NPR3: variants seen among roughly 807,000 people sequenced by gnomAD.
NPR3 encodes natriuretic peptide receptor 3.
A neutral mutation model predicts 54.5 loss-of-function variants in NPR3; 34 were observed. The ratio of observed to expected loss-of-function variants is 0.62; its 90% confidence interval spans 0.47 to 0.83. The LOEUF (loss-of-function observed/expected upper bound fraction) is 0.83. Among genes scored for constraint, NPR3 ranks in the 40% least tolerant of loss-of-function variants. The probability of loss-of-function intolerance (pLI) is 0.00; values close to 1 mark genes in which losing one functional copy is unlikely to be tolerated. For missense variants in NPR3, 674 were observed against 720.8 expected (o/e 0.94, Z 0.74); for synonymous variants, 289 against 297.1 (o/e 0.97, Z 0.28).
At chr5:32,748,205 A>G (rs1210146855) in intron 3 of NPR3, among the ~76,000 whole-genome samples, 2 of 152,110 alleles carry the variant, frequency 1.3e-5, no homozygotes, top group Admixed American at 6.5e-5. Context: ...TTTTGGTGTT[A>G]CCATTCTGAT....
chr5:32,716,989 T>C (rs1738588108), intron 1 of NPR3, among the ~76,000 whole-genome samples: 1 of 48,748 alleles, frequency 2.1e-5, no homozygotes, highest in African/African-American at 7.8e-5. Flanking sequence ...ATGCTATCCA[T>C]CCCCCAACCC....
At chr5:32,783,085 G>GT (rs1561134868) in intron 6 of NPR3, 57 bp downstream of exon 6, 2 of 1,517,462 alleles carry the variant, frequency 1.3e-6, no homozygotes, top group African/African-American at 2.8e-5. Context: ...TCAGTGTAAT[G>GT]TAAGTTTAAA....
At chr5:32,746,190 T>G (rs1468139311) in intron 3 of NPR3, among the ~76,000 whole-genome samples, 1 of 152,036 alleles carries the variant, frequency 6.6e-6, no homozygotes, top group Non-Finnish European at 1.5e-5. Context: ...TGTTCTTTAG[T>G]AAGAGGTACC....
upstream of NPR3, among the ~76,000 whole-genome samples, chr5:32,707,931 G>T (rs887196739): frequency 6.7e-6 from 1 of 148,488 alleles, no homozygotes; most frequent in Non-Finnish European, 1.5e-5. Context: ...AAAATAAACC[G>T]TTGAATACTT....
At position 32,739,181 on chromosome 5, in the gene NPR3, G is replaced by T. The variant is rs576904031; in HGVS notation, c.1059+151G>T. 1.1e-3 allele frequency among the ~76,000 whole-genome samples: 141 copies of T among 128,520 alleles called. 1 individual carries two copies. The highest frequency in any genetic ancestry group is 3.4e-3 in the African/African-American group (120 of 35,122). The allele number at this position is 128,520 out of a possible 152,430, so 84.3% of individuals were successfully genotyped here. ...TGTTGCCTTCTGTGTGTGTGTGTGT[G>T]TGTTTTTTTTTTTTCCTTTCTGGGT... On this transcript the variant is annotated intron_variant, in intron 3 of 7. Coordinates refer to ENST00000265074, the MANE Select transcript of NPR3 (RefSeq NM_001204375.2).
chr5:32,717,938 C>T (rs2194178), intron 1 of NPR3, among the ~76,000 whole-genome samples: 107,899 of 152,116 alleles, frequency 0.71, 38,917 homozygotes, highest in Middle Eastern at 0.79. Flanking sequence ...CCCATGCCTA[C>T]GTCCTGAAAG....
chr5:32,737,091 C>T (rs1739788119), intron 2 of NPR3, among the ~76,000 whole-genome samples: 1 of 152,198 alleles, frequency 6.6e-6, no homozygotes, highest in Admixed American at 6.5e-5. Flanking sequence ...GATGTAGGCT[C>T]AGCCAAGCAT....
chr5:32,753,584 C>T (rs559197660), intron 3 of NPR3, among the ~76,000 whole-genome samples: 42 of 150,932 alleles, frequency 2.8e-4, no homozygotes, highest in African/African-American at 1.0e-3. Flanking sequence ...GCCTTTCTCA[C>T]CCCTTCCAAT....
chr5:32,775,416 T>A (rs946770738), intron 4 of NPR3, among the ~76,000 whole-genome samples: 1 of 152,032 alleles, frequency 6.6e-6, no homozygotes, highest in Non-Finnish European at 1.5e-5. Flanking sequence ...TGCCTCAGTG[T>A]CCTGAGTAGC....
chr5:32,760,728 A>C (rs1337379377), intron 3 of NPR3, among the ~76,000 whole-genome samples: 1 of 149,456 alleles, frequency 6.7e-6, no homozygotes, highest in East Asian at 2.0e-4. Flanking sequence ...TTTTGGTATC[A>C]TCTTTAATAA....
rs762523302 is a variant in NPR3 at position 32,712,034 on chromosome 5, C to T, written c.258C>T (p.Asn86=). ...ATGCTCTGCGCAGCGTGGAGGGCAA[C>T]GGGACTGGGAGGCGGCTTCTGCCGC... is the stretch of plus-strand genomic sequence containing the variant. ...IEYALRSVEG[N]GTGRRLLPPG... The change falls in exon 1 of 8, where the codon AAC becomes AAT. Residue 86 remains asparagine (N), a synonymous_variant. Coordinates refer to ENST00000265074, the MANE Select transcript of NPR3 (RefSeq NM_001204375.2). 4 of 1,613,798 alleles carry T rather than the reference C, an allele frequency of 2.5e-6. No individual in the cohort carries two copies. Among genetic ancestry groups the T allele is most frequent in the South Asian group, 1.1e-5 (1 of 91,084 alleles).
intron 1 of NPR3, among the ~76,000 whole-genome samples, chr5:32,718,605 T>C (rs935164675): frequency 6.6e-6 from 1 of 152,174 alleles, no homozygotes; most frequent in African/African-American, 2.4e-5. Flanking sequence ...ATTCTCTTTG[T>C]AGAAATTGTG....
At chr5:32,716,849 T>G (rs186098518) in intron 1 of NPR3, 3 of 153,802 alleles carry the variant, frequency 2.0e-5, no homozygotes, top group African/African-American at 7.2e-5. Flanking sequence ...CTCCTGAGTG[T>G]TTTTTTATTA....
chr5:32,739,885 C>T (rs1454075117), intron 3 of NPR3, among the ~76,000 whole-genome samples: 1 of 152,102 alleles, frequency 6.6e-6, no homozygotes, highest in Non-Finnish European at 1.5e-5. Flanking sequence ...CTTCTTCCTC[C>T]TCTTCTTTTT....
intron 2 of NPR3, among the ~76,000 whole-genome samples, chr5:32,736,370 GAGATAGTTGC>G (rs1277724302): frequency 6.6e-6 from 1 of 152,022 alleles, no homozygotes; most frequent in Non-Finnish European, 1.5e-5. Context: ...TTCGGTCCGT[GAGATAGTTGC>G]AGTTTCTAGT....
At chr5:32,703,690 T>G (rs1299154154) in intron 1 of NPR3, among the ~76,000 whole-genome samples, 1 of 152,220 alleles carries the variant, frequency 6.6e-6, no homozygotes, top group Admixed American at 6.5e-5. Context: ...GGACTCCTTT[T>G]GGTGGCCTAT....
intron 2 of NPR3, among the ~76,000 whole-genome samples, chr5:32,735,967 A>G: frequency 6.6e-6 from 1 of 152,180 alleles, no homozygotes; most frequent in East Asian, 1.9e-4. Context: ...TCGGTGGCTC[A>G]CGCCTGTAAT....
rs1239990632 is a variant in NPR3, at chr5:32,789,290, G to C, written c.*2945G>C. ...ATTGTCTTCTTAGATTTTTGGGTAG[G>C]GGGGCCAGGTAGGGGGAGACTCAGA... On this transcript the variant is annotated 3_prime_UTR_variant, in exon 8 of 8. Transcript: ENST00000265074. 1 of 422,416 alleles carries C rather than the reference G, an allele frequency of 2.4e-6. No individual in the cohort carries two copies. The highest frequency in any genetic ancestry group is 4.8e-6 in the Non-Finnish European group (1 of 210,290). The allele number at this position is 422,416 out of a possible 1,614,324, so 26.2% of individuals were successfully genotyped here. A position where few individuals can be genotyped will look rare whatever the true frequency, so the allele number is the denominator to read the frequency against.
At chr5:32,776,782 A>G (rs921591502) in intron 4 of NPR3, among the ~76,000 whole-genome samples, 6 of 152,074 alleles carry the variant, frequency 3.9e-5, no homozygotes, top group African/African-American at 1.4e-4. Context: ...CAGTGGGGGG[A>G]TGAGGCAACA....
Sources: allele counts gnomAD v4.1 joint callset (sites outside exome capture counted in the v4.1 genomes callset), GRCh38; gene constraint gnomAD v4.1.1; transcripts MANE v1.5; gene names NCBI Gene and HGNC (gene_info 2026-07-23, HGNC 2026-07-21).